PCARE: variants seen among roughly 807,000 people sequenced by gnomAD.
PCARE encodes the protein uncharacterized protein C2orf71.
A neutral mutation model predicts 82.2 loss-of-function variants in PCARE; 72 were observed. The observed-to-expected ratio is 0.88, with a 90% confidence interval of 0.72 to 1.07. The LOEUF (loss-of-function observed/expected upper bound fraction) is 1.07. PCARE is among the 50% of genes least tolerant of loss of function. The pLI, the probability that PCARE is intolerant of heterozygous loss-of-function variation, is 0.00. For missense variants in PCARE, 1,768 were observed against 1,592.4 expected (o/e 1.11, Z -1.88); for synonymous variants, 705 against 634.8 (o/e 1.11, Z -1.66).
chr2:29,072,675 G>A lies in PCARE; in HGVS notation c.1587C>T (p.Thr529=), dbSNP rs1217596338. The change falls in exon 1 of 2, where the codon ACC becomes ACT. Residue 529 remains threonine (T), a synonymous_variant. Transcript: ENST00000331664. ...ADRESPFQAR[T]RRLRSLQAQE... ...GGGCCTGGAGGCTCCTAAGCCTCCT[G>A]GTGCGGGCCTGAAATGGGCTTTCCC... The A allele has an allele frequency of 6.2e-7, 1 of 1,613,972 alleles. No individual in the cohort carries two copies. The highest frequency in any genetic ancestry group is 8.5e-7 in the Non-Finnish European group (1 of 1,180,044).
At position 29,073,032 on chromosome 2, in the gene PCARE, CT is replaced by C. The variant is rs1667521303; in HGVS notation, c.1229del (p.Gln410ArgfsTer39). ...TAGGAGCCCCTGAGAGCAGGCAGTC[CT>C]GGGGTCTGCCTGAGCCCAAACAGAA... ...SPFCLGSGRP[Q>X]DCLLSGAPMA... On this transcript the variant is annotated frameshift_variant, in exon 1 of 2. Coordinates refer to ENST00000331664, the MANE Select transcript of PCARE (RefSeq NM_001029883.3). LOFTEE classifies it high-confidence loss of function. The C allele has an allele frequency of 6.2e-7, 1 of 1,614,106 alleles. No individual in the cohort carries two copies. Among genetic ancestry groups the C allele is most frequent in the Non-Finnish European group, 8.5e-7 (1 of 1,179,986 alleles).
Position 29,073,561 on chromosome 2 carries a change from C to G in PCARE, c.701G>C (p.Gly234Ala). 1 of 1,614,172 alleles carries G rather than the reference C, an allele frequency of 6.2e-7. No individual in the cohort carries two copies. Among genetic ancestry groups the G allele is most frequent in the East Asian group, 2.2e-5 (1 of 44,880 alleles). The stretch of plus-strand genomic sequence containing the variant: ...CACTTCTCCATCCTTGGAGATCTCC[C>G]CCAACAGCTGGCTGATCTCCTCAAA... ...LCFEEISQLLGEISKDGEVLL... is the reference protein window; with the variant it reads ...LCFEEISQLLAEISKDGEVLL... The change falls in exon 1 of 2, where the codon GGG becomes GCG. Residue 234 changes from glycine to alanine, a missense_variant. By Grantham distance (60) the Gly-to-Ala change is moderately conservative (BLOSUM62 0). Coordinates refer to ENST00000331664, the MANE Select transcript of PCARE (RefSeq NM_001029883.3).
In PCARE at chr2:29,074,241, G is replaced by T. The variant is rs746892215; in HGVS notation, c.21C>A (p.His7Gln). ...TTGCAACGCTGTTTACAAGGTCACT[G>T]TGTGAAGGTGTACACCCCATGATTT... MGCTPSHSDLVNSVAKS... is the reference protein window; with the variant it reads MGCTPSQSDLVNSVAKS... Residue 7 changes from histidine to glutamine, a missense_variant, in exon 1 of 2, where the codon CAC becomes CAA. Coordinates refer to ENST00000331664, the MANE Select transcript of PCARE (RefSeq NM_001029883.3). 2 of 1,557,842 alleles carry T rather than the reference G, an allele frequency of 1.3e-6. No individual in the cohort carries two copies. Among genetic ancestry groups the T allele is most frequent in the East Asian group, 4.5e-5 (2 of 44,444 alleles).
In PCARE at chr2:29,071,309, C is replaced by T. The variant is rs1226427738; in HGVS notation, c.2953G>A (p.Glu985Lys). 1 of 1,613,498 alleles carries T rather than the reference C, an allele frequency of 6.2e-7. No individual in the cohort carries two copies. The highest frequency in any genetic ancestry group is 1.3e-5 in the African/African-American group (1 of 75,042). Residue 985 changes from glutamate to lysine, a missense_variant, in exon 1 of 2, where the codon GAG becomes AAG. Transcript: ENST00000331664. ...SSLARPRQSR[E>K]RSPPVGRKAS... ...TTTCTGCCCACAGGGGGGCTTCTCTCTCGGCTCTGCCTTGGTCTGGCCAGG... is the reference window on the plus strand; with the variant it reads ...TTTCTGCCCACAGGGGGGCTTCTCTTTCGGCTCTGCCTTGGTCTGGCCAGG...
chr2:29,073,287 CAG>C lies in PCARE; in HGVS notation c.973_974del (p.Leu325GlufsTer23). 1.2e-6 allele frequency: 2 copies of C among 1,614,202 alleles called. No homozygotes were observed. Among genetic ancestry groups the C allele is most frequent in the Non-Finnish European group, 1.7e-6 (2 of 1,180,024 alleles). ...CACTCGCCAGGCTCTCTAGCTGCCT[CAG>C]AGCCCTCAGGAGGCGTTCATCCACA... ...RNVDERLLRA[L>X]RQLESLASGC... On this transcript the variant is annotated frameshift_variant, in exon 1 of 2. Transcript: ENST00000331664. LOFTEE classifies it high-confidence loss of function.
At chr2:29,067,691 C>G (rs1266889252) in intron 1 of PCARE, among the ~76,000 whole-genome samples, 1 of 152,142 alleles carries the variant, frequency 6.6e-6, no homozygotes, top group African/African-American at 2.4e-5. Context: ...ACTACAGGTG[C>G]GTGCCACCAT....
chr2:29,064,339 A>T lies in PCARE; in HGVS notation c.*530T>A, dbSNP rs1335183560. On this transcript the variant is annotated 3_prime_UTR_variant, in exon 2 of 2. Coordinates refer to ENST00000331664, the MANE Select transcript of PCARE (RefSeq NM_001029883.3). ...GCAATAGTTACGGGCAATGGAATGT[A>T]ATAAAAAGAGCAGAGAGATTCTAAC... The T allele has an allele frequency of 5.9e-6, 1 of 170,536 alleles. No homozygotes were observed. The highest frequency in any genetic ancestry group is 1.3e-5 in the Non-Finnish European group (1 of 78,148). 10.6% of individuals were successfully genotyped at this position (170,536 alleles called of 1,614,324 possible).
At position 29,071,504 on chromosome 2, in the gene PCARE, G is replaced by T. The variant is rs759721914; in HGVS notation, c.2758C>A (p.Pro920Thr). The T allele has an allele frequency of 1.2e-6, 2 of 1,609,192 alleles. No homozygotes were observed. Among genetic ancestry groups the T allele is most frequent in the Non-Finnish European group, 1.7e-6 (2 of 1,179,884 alleles). ...GGTGGGCTGCTCAGGTCCAGGGCTG[G>T]CTTCCTGGGCTGGCAGCTGCTCCTG... ...SGRSSCQPRK[P>T]ALDLSSPPAT... The change falls in exon 1 of 2, where the codon CCA (proline) becomes ACA (threonine). Residue 920 changes from proline to threonine, a missense_variant. Coordinates refer to ENST00000331664, the MANE Select transcript of PCARE (RefSeq NM_001029883.3).
Position 29,071,839 on chromosome 2 carries a change from A to G in PCARE, c.2423T>C (p.Leu808Pro), listed in dbSNP as rs752263111. Residue 808 changes from leucine (L) to proline (P), a missense_variant, in exon 1 of 2, where the codon CTG (leucine) becomes CCG (proline). By Grantham distance (98) the Leu-to-Pro change is moderately conservative (BLOSUM62 -3). Coordinates refer to ENST00000331664, the MANE Select transcript of PCARE (RefSeq NM_001029883.3). ...WKPLAPIFPP[L>P]PKAEAAKSEE... The stretch of plus-strand genomic sequence containing the variant: ...ACTCTTGGCTGCTTCTGCTTTAGGC[A>G]GAGGGGGAAAGATAGGTGCTAAGGG... 22 of 1,614,098 alleles carry G rather than the reference A, an allele frequency of 1.4e-5. No individual in the cohort carries two copies. Among genetic ancestry groups the G allele is most frequent in the Non-Finnish European group, 1.3e-5 (15 of 1,180,030 alleles).
In PCARE at chr2:29,072,119, C is replaced by G; in HGVS notation, c.2143G>C (p.Ala715Pro). The change falls in exon 1 of 2, where the codon GCC (alanine) becomes CCC (proline). Residue 715 changes from alanine to proline, a missense_variant. Ala to Pro is a conservative substitution (Grantham distance 27). Transcript: ENST00000331664. The stretch of plus-strand genomic sequence containing the variant: ...CTGACATTCCAGTCTGTGGCCTTGG[C>G]AGCCTCACTGACCTCTCCTGATGGG... ...AIPSGEVSEA[A>P]KATDWNVRGC... is the part of the protein sequence containing the mutation. The G allele has an allele frequency of 6.2e-7, 1 of 1,614,244 alleles. No individual in the cohort carries two copies.
chr2:29,061,925 G>T lies in PCARE; in HGVS notation c.*2944C>A, dbSNP rs1348890849. ...CCAAGGCAGACTCAAGTTTGTGGAA[G>T]ACCTGGTCTCTAGGAGGCAAAACTG... On this transcript the variant is annotated 3_prime_UTR_variant, in exon 2 of 2. Transcript: ENST00000331664. 1 of 152,196 alleles carries T rather than the reference G, an allele frequency of 6.6e-6. No individual in the cohort carries two copies. The highest frequency in any genetic ancestry group is 1.5e-5 in the Non-Finnish European group (1 of 68,042). The allele number at this position is 152,196 out of a possible 1,614,324, so 9.4% of individuals were successfully genotyped here.
chr2:29,072,043 G>T lies in PCARE; in HGVS notation c.2219C>A (p.Pro740His). Reference sequence around the variant, plus strand: ...CCCCAGCATCCTCAGACTCTCCGTGGGACTGAAAGTTTCAATAAGCTTCTT... The same window carrying T: ...CCCCAGCATCCTCAGACTCTCCGTGTGACTGAAAGTTTCAATAAGCTTCTT... ...SVKKLIETFS[P>H]TESLRMLGDS... Residue 740 changes from proline to histidine, a missense_variant, in exon 1 of 2, where the codon CCC (proline) becomes CAC (histidine). Coordinates refer to ENST00000331664, the MANE Select transcript of PCARE (RefSeq NM_001029883.3). The T allele has an allele frequency of 6.2e-7, 1 of 1,614,140 alleles. No individual in the cohort carries two copies. Among genetic ancestry groups the T allele is most frequent in the South Asian group, 1.1e-5 (1 of 91,076 alleles).
chr2:29,073,856 CCTCA>C lies in PCARE; in HGVS notation c.402_405del (p.Ser134ArgfsTer47), dbSNP rs762973163. ...TTGGAAGTATCTTGGGTACTACTTT[CCTCA>C]CTCTCATCTCCAGAAAAGTCTGCCC... On this transcript the variant is annotated frameshift_variant, in exon 1 of 2. Coordinates refer to ENST00000331664, the MANE Select transcript of PCARE (RefSeq NM_001029883.3). LOFTEE classifies it high-confidence loss of function. 2 of 1,614,116 alleles carry C rather than the reference CCTCA, an allele frequency of 1.2e-6. No homozygotes were observed. The highest frequency in any genetic ancestry group is 1.3e-5 in the African/African-American group (1 of 74,938).
At position 29,064,941 on chromosome 2, in the gene PCARE, C is replaced by T. The variant is rs369699375; in HGVS notation, c.3795G>A (p.Pro1265=). The change falls in exon 2 of 2, where the codon CCG becomes CCA. Residue 1265 remains proline (P), a synonymous_variant. Coordinates refer to ENST00000331664, the MANE Select transcript of PCARE (RefSeq NM_001029883.3). Reference sequence around the variant, plus strand: ...CCTGGATGTGGCCGGTCCGAGGCTCCGGTTGCAGCCCGTGGCCCAGCACAC... The same window carrying T: ...CCTGGATGTGGCCGGTCCGAGGCTCTGGTTGCAGCCCGTGGCCCAGCACAC... The part of the protein sequence containing the change: ...EFCVLGHGLQ[P]EPRTGHIQDK... 2.2e-5 allele frequency: 35 copies of T among 1,609,512 alleles called. No homozygotes were observed. Among genetic ancestry groups the T allele is most frequent in the South Asian group, 3.3e-5 (3 of 90,182 alleles).
chr2:29,070,254 G>T (rs1667448493), intron 1 of PCARE, among the ~76,000 whole-genome samples: 1 of 152,002 alleles, frequency 6.6e-6, no homozygotes, highest in East Asian at 1.9e-4. Flanking sequence ...TTGTCCTAAG[G>T]CTCTCCCTCC....
In PCARE at chr2:29,072,420, C is replaced by A; in HGVS notation, c.1842G>T (p.Arg614Ser). Residue 614 changes from arginine to serine, a missense_variant, in exon 1 of 2, where the codon AGG becomes AGT. By Grantham distance (110) the Arg-to-Ser change is moderately radical (BLOSUM62 -1). Coordinates refer to ENST00000331664, the MANE Select transcript of PCARE (RefSeq NM_001029883.3). ...VEDPTFQELR[R>S]VQRDLSQKLE... ...GCTTCTGACTGAGGTCCCTCTGGAC[C>A]CTTCGCAGCTCCTGAAAGGTGGGGT... is the stretch of plus-strand genomic sequence containing the variant. 6.2e-7 allele frequency: 1 copy of A among 1,614,152 alleles called. No individual in the cohort carries two copies.
chr2:29,065,017 CA>C lies in PCARE; in HGVS notation c.3718del (p.Cys1240ValfsTer74). 1 of 1,560,668 alleles carries C rather than the reference CA, an allele frequency of 6.4e-7. No individual in the cohort carries two copies. The highest frequency in any genetic ancestry group is 1.7e-4 in the Middle Eastern group (1 of 5,940). ...KKDTEPGSSP[C>X]SPELQGGTRR... ...GGTGCCGCCCTGCAGTTCAGGGGAA[CA>C]GGGGCTGCTCCCCGGCTCTGTGTCC... On this transcript the variant is annotated frameshift_variant, in exon 2 of 2. Coordinates refer to ENST00000331664, the MANE Select transcript of PCARE (RefSeq NM_001029883.3). LOFTEE classifies it low-confidence loss of function (END_TRUNC).
At position 29,071,901 on chromosome 2, in the gene PCARE, T is replaced by A. The variant is rs769809028; in HGVS notation, c.2361A>T (p.Ser787=). ...TGCCCATTTTGAGAGATTCTCTGCC[T>A]GATGCTGGAGAAATTTGGGGCTTCG... ...LYPKPQISPA[S]GRESLKMGIG... Residue 787 remains serine (S), a synonymous_variant, in exon 1 of 2, where the codon TCA becomes TCT. Transcript: ENST00000331664. 6.2e-7 allele frequency: 1 copy of A among 1,614,114 alleles called. No individual in the cohort carries two copies. The highest frequency in any genetic ancestry group is 8.5e-7 in the Non-Finnish European group (1 of 1,180,048).
At position 29,072,512 on chromosome 2, in the gene PCARE, T is replaced by C. The variant is rs1004202212; in HGVS notation, c.1750A>G (p.Ser584Gly). The change falls in exon 1 of 2, where the codon AGC becomes GGC. Residue 584 changes from serine (S) to glycine (G), a missense_variant. Physicochemically the swap from Ser to Gly is moderately conservative, Grantham distance 56. Coordinates refer to ENST00000331664, the MANE Select transcript of PCARE (RefSeq NM_001029883.3). ...VPPRPSTVSGSRRAPERQTRS... is the reference protein window; with the variant it reads ...VPPRPSTVSGGRRAPERQTRS... ...GTCTGCCTCTCAGGGGCCCTCCTGC[T>C]GCCACTTACCGTGCTAGGTCTTGGG... 1.1e-5 allele frequency: 17 copies of C among 1,614,096 alleles called. No individual in the cohort carries two copies. The highest frequency in any genetic ancestry group is 1.4e-5 in the Non-Finnish European group (17 of 1,180,038).
Sources: gnomAD v4.1 joint callset for allele counts (sites outside exome capture counted in the v4.1 genomes callset) on GRCh38, gnomAD v4.1.1 for gene constraint, MANE v1.5 for transcripts, NCBI Gene and HGNC (gene_info 2026-07-23, HGNC 2026-07-21) for gene names.